NELL1: variants seen among roughly 807,000 people sequenced by gnomAD.
NELL1 encodes protein kinase C-binding protein NELL1.
NELL1 carries 76 observed loss-of-function variants against 107.4 expected under a neutral mutation model. The ratio of observed to expected loss-of-function variants is 0.71; its 90% CI spans 0.59 to 0.86. NELL1 has a LOEUF of 0.86. NELL1 is among the 40% of genes least tolerant of loss of function. The pLI is 0.00. For synonymous variants in NELL1, 353 were observed against 341.2 expected, an observed-to-expected ratio of 1.03 and a Z score of -0.38; for missense variants, 1,024 against 1,005.5, an observed-to-expected ratio of 1.02 and a Z score of -0.25.
chr11:20,822,724 G>T (rs1208857339), intron 3 of NELL1, among the ~76,000 whole-genome samples: 1 of 152,146 alleles, frequency 6.6e-6, no homozygotes, highest in Non-Finnish European at 1.5e-5. Context: ...TCCAGGAGTA[G>T]AAAAACATTC....
At chr11:21,498,005 G>A (rs545513101) in intron 15 of NELL1, among the ~76,000 whole-genome samples, 7 of 151,446 alleles carry the variant, frequency 4.6e-5, no homozygotes, top group African/African-American at 1.2e-4. Context: ...ATACATTTTG[G>A]CTCTTTATTT....
intron 16 of NELL1, among the ~76,000 whole-genome samples, chr11:21,535,096 G>A (rs1440736585): frequency 2.6e-5 from 4 of 152,060 alleles, no homozygotes; most frequent in Admixed American, 6.6e-5. Context: ...TGCTATTACC[G>A]CCACCATCAT....
chr11:21,279,928 G>A lies in NELL1; in HGVS notation c.1549+50474G>A, dbSNP rs141152989. Among the ~76,000 whole-genome samples the A allele has an allele frequency of 5.3e-5, 8 of 152,302 alleles. No individual in the cohort carries two copies. The East Asian group carries it at 9.7e-4, about 18-fold the overall frequency. ...AGCCATGAAAAGAAACGGAGGAAACGTAAATGCACAATACTAGGTGACAGA... is the reference window on the plus strand; with the variant it reads ...AGCCATGAAAAGAAACGGAGGAAACATAAATGCACAATACTAGGTGACAGA... On this transcript the variant is annotated intron_variant, in intron 14 of 19. Transcript: ENST00000357134.
At chr11:20,977,264 ATTTTT>A (rs558154042) in intron 12 of NELL1, among the ~76,000 whole-genome samples, 3 of 131,164 alleles carry the variant, frequency 2.3e-5, no homozygotes, top group African/African-American at 2.8e-5. Context: ...AATTAAATCT[ATTTTT>A]TTTTTTTTTT....
chr11:21,254,626 T>G (rs1159343573), intron 14 of NELL1, among the ~76,000 whole-genome samples: 1 of 152,056 alleles, frequency 6.6e-6, no homozygotes, highest in Non-Finnish European at 1.5e-5. Context: ...CCAGCCATTT[T>G]CAAAAATCTC....
At chr11:20,786,958 A>G (rs1411034437) in intron 3 of NELL1, among the ~76,000 whole-genome samples, 1 of 134,800 alleles carries the variant, frequency 7.4e-6, no homozygotes, top group East Asian at 2.5e-4. Context: ...CCGTGAGCCG[A>G]GATGGCGCCA....
chr11:20,915,591 A>G (rs1037733814), intron 5 of NELL1, among the ~76,000 whole-genome samples: 5 of 150,672 alleles, frequency 3.3e-5, no homozygotes, highest in Non-Finnish European at 7.4e-5. Context: ...ATACATTTAG[A>G]GTTAAATGAG....
chr11:21,565,799 A>T (rs1296362359), intron 17 of NELL1, among the ~76,000 whole-genome samples: 1 of 151,888 alleles, frequency 6.6e-6, no homozygotes, highest in Non-Finnish European at 1.5e-5. Flanking sequence ...AAAATGAGAT[A>T]ACTGGATAAA....
chr11:20,765,989 A>G (rs1228644299), intron 2 of NELL1, among the ~76,000 whole-genome samples: 2 of 152,086 alleles, frequency 1.3e-5, no homozygotes, highest in Non-Finnish European at 2.9e-5. Context: ...GGAGGATTGG[A>G]TTTTGTCTTA....
At chr11:21,072,635 A>G (rs966574775) in intron 12 of NELL1, among the ~76,000 whole-genome samples, 3 of 152,210 alleles carry the variant, frequency 2.0e-5, no homozygotes, top group Non-Finnish European at 2.9e-5. Context: ...AAAACCCAGC[A>G]TATAAAGCTT....
intron 12 of NELL1, among the ~76,000 whole-genome samples, chr11:21,024,439 T>C (rs1336193917): frequency 6.6e-6 from 1 of 152,138 alleles, no homozygotes; most frequent in Non-Finnish European, 1.5e-5. Context: ...ATAGTTATGG[T>C]CTCACATATG....
intron 15 of NELL1, among the ~76,000 whole-genome samples, chr11:21,475,098 CA>C (rs1208793802): frequency 9.9e-5 from 15 of 151,902 alleles, no homozygotes; most frequent in African/African-American, 3.6e-4. Flanking sequence ...ATGCGAAAAA[CA>C]AAAGGAAAAA....
intron 15 of NELL1, among the ~76,000 whole-genome samples, chr11:21,481,686 G>C (rs548445056): frequency 1.3e-5 from 2 of 152,314 alleles, no homozygotes; most frequent in South Asian, 4.1e-4. Context: ...TGAGACTGCT[G>C]TGCCTCGTGG....
At chr11:20,857,870 A>G (rs12795014) in intron 4 of NELL1, among the ~76,000 whole-genome samples, 89,095 of 152,106 alleles carry the variant, frequency 0.59, 30,553 homozygotes, top group Non-Finnish European at 0.76. Flanking sequence ...ATAGCGGTGC[A>G]TGGAGCACTG....
intron 13 of NELL1, among the ~76,000 whole-genome samples, chr11:21,125,797 A>G (rs986814872): frequency 6.6e-6 from 1 of 152,192 alleles, no homozygotes; most frequent in Admixed American, 6.5e-5. Context: ...CTCCATTTTT[A>G]TTGATCTACA....
At chr11:20,851,052 C>A (rs1421778300) in intron 4 of NELL1, among the ~76,000 whole-genome samples, 1 of 152,134 alleles carries the variant, frequency 6.6e-6, no homozygotes, top group African/African-American at 2.4e-5. Flanking sequence ...ACATGTACTG[C>A]CAAAGACAAG....
chr11:20,842,112 C>T (rs142849194), intron 3 of NELL1, among the ~76,000 whole-genome samples: 130 of 152,224 alleles, frequency 8.5e-4, no homozygotes, highest in African/African-American at 2.9e-3. Flanking sequence ...TGCGGTGGCT[C>T]ATGCCTCTAA....
chr11:20,903,914 A>G (rs1464831657), intron 5 of NELL1, among the ~76,000 whole-genome samples: 2 of 152,144 alleles, frequency 1.3e-5, no homozygotes, highest in African/African-American at 4.8e-5. Flanking sequence ...GCTGTGAGGC[A>G]TGTTTACTTG....
chr11:20,958,868 C>T (rs1375587552), intron 11 of NELL1, among the ~76,000 whole-genome samples: 1 of 152,156 alleles, frequency 6.6e-6, no homozygotes, highest in Non-Finnish European at 1.5e-5. Context: ...GCTCAAATGT[C>T]CATCCATGGT....
Sources: allele counts gnomAD v4.1 joint callset (sites outside exome capture counted in the v4.1 genomes callset), GRCh38; gene constraint gnomAD v4.1.1; transcripts MANE v1.5; gene names NCBI Gene and HGNC (gene_info 2026-07-23, HGNC 2026-07-21).